Variants in TNIK observed in about 807,000 individuals in gnomAD.
TNIK encodes the protein TRAF2 and NCK interacting kinase.
TNIK carries 49 observed loss-of-function variants against 191.3 expected under a neutral mutation model. That is an observed-to-expected ratio of 0.26 (90% CI 0.20 to 0.32). The LOEUF (loss-of-function observed/expected upper bound fraction) is 0.32, where lower values mean the gene tolerates loss of function less well. TNIK is among the 10% of genes least tolerant of loss of function. The probability of loss-of-function intolerance (pLI) is 1.00; values close to 1 mark genes in which losing one functional copy is unlikely to be tolerated. For synonymous variants in TNIK, 594 were observed against 600.9 expected (o/e 0.99, Z 0.17); for missense variants, 1,155 against 1,702.3 (o/e 0.68, Z 5.66).
chr3:171,307,810 C>G (rs1753611814), intron 2 of TNIK, among the ~76,000 whole-genome samples: 1 of 152,052 alleles, frequency 6.6e-6, no homozygotes, highest in African/African-American at 2.4e-5. Flanking sequence ...GTCAAGACAT[C>G]TTTATAATAA....
chr3:171,119,775 C>T (rs1378575566), intron 18 of TNIK, among the ~76,000 whole-genome samples: 1 of 144,706 alleles, frequency 6.9e-6, no homozygotes, highest in Non-Finnish European at 1.5e-5. Context: ...GTAAGGGGAA[C>T]ATCACATACC....
intron 30 of TNIK, among the ~76,000 whole-genome samples, chr3:171,067,726 A>C (rs1362519324): frequency 6.6e-6 from 1 of 151,634 alleles, no homozygotes; most frequent in Non-Finnish European, 1.5e-5. Flanking sequence ...AATTTGTTCT[A>C]GGAAAGGAAA....
At chr3:171,227,502 C>T (rs888274989) in intron 3 of TNIK, among the ~76,000 whole-genome samples, 1 of 152,144 alleles carries the variant, frequency 6.6e-6, no homozygotes, top group Non-Finnish European at 1.5e-5. Flanking sequence ...AATACCTTCA[C>T]ATCCTTGTTC....
At chr3:171,233,810 C>T (rs937869633) in intron 2 of TNIK, among the ~76,000 whole-genome samples, 1 of 152,144 alleles carries the variant, frequency 6.6e-6, no homozygotes, top group African/African-American at 2.4e-5. Context: ...TTGAGGGTTG[C>T]GTTTGGGTTC....
At chr3:171,375,245 T>A (rs757698051) in intron 1 of TNIK, among the ~76,000 whole-genome samples, 9 of 152,218 alleles carry the variant, frequency 5.9e-5, no homozygotes, top group Non-Finnish European at 1.3e-4. Flanking sequence ...TCCTCCCTTT[T>A]CTTTTTCATC....
chr3:171,219,725 TA>T (rs1351863373), intron 3 of TNIK, among the ~76,000 whole-genome samples: 3 of 152,064 alleles, frequency 2.0e-5, no homozygotes, highest in African/African-American at 7.2e-5. Flanking sequence ...TGACGATCAT[TA>T]AAAAGTCAGG....
chr3:171,208,578 GAC>G (rs1453945136), intron 4 of TNIK, among the ~76,000 whole-genome samples: 19 of 151,894 alleles, frequency 1.3e-4, no homozygotes, highest in African/African-American at 4.6e-4. Flanking sequence ...GTGTGTGTGA[GAC>G]AGAGTCTCAC....
chr3:171,188,353 C>T lies in TNIK; in HGVS notation c.639+349G>A, dbSNP rs114924724. Among the ~76,000 whole-genome samples the T allele has an allele frequency of 9.9e-3, 1,509 of 152,106 alleles. 20 individuals carry two copies. The Middle Eastern group carries it at 0.13, about 13-fold the overall frequency. On this transcript the variant is annotated intron_variant, in intron 7 of 32. Transcript: ENST00000436636. The stretch of plus-strand genomic sequence containing the variant: ...ACAACAAACTCACATCTTAGTTTAA[C>T]GTAAAAAGCTATCAGAATATATACT...
Position 171,249,493 on chromosome 3 carries a change from G to A in TNIK, c.124-21272C>T, listed in dbSNP as rs1745993275. On this transcript the variant is annotated intron_variant, in intron 2 of 32. Transcript: ENST00000436636. ...GGCTGGAGGGATGGGGCAGTGGTGT[G>A]GAAATGGCAAATTAGGGGCCTCCTG... Among the ~76,000 whole-genome samples, 3 of 152,164 alleles carry A rather than the reference G, an allele frequency of 2.0e-5. No individual in the cohort carries two copies. In the South Asian group the frequency reaches 6.2e-4, roughly 32 times the overall value.
At chr3:171,451,419 T>A (rs1728161451) in intron 1 of TNIK, among the ~76,000 whole-genome samples, 1 of 152,200 alleles carries the variant, frequency 6.6e-6, no homozygotes, top group Non-Finnish European at 1.5e-5. Flanking sequence ...TCCTGCAACC[T>A]CAGGAGATAC....
At chr3:171,106,787 ACT>A in intron 21 of TNIK, 1 of 531,716 alleles carries the variant, frequency 1.9e-6, no homozygotes, top group South Asian at 1.4e-5. Context: ...CAAATCACAC[ACT>A]CTAAATTTGG....
intron 1 of TNIK, among the ~76,000 whole-genome samples, chr3:171,405,508 T>TAAA (rs10635709): frequency 0.052 from 7,462 of 144,352 alleles, 391 homozygotes; most frequent in African/African-American, 0.12. Context: ...CCAAATCTGG[T>TAAA]AAAAAAAAAA....
chr3:171,107,064 G>T (rs1270709457), intron 21 of TNIK, 119 bp downstream of exon 21: 4 of 1,061,520 alleles, frequency 3.8e-6, no homozygotes, highest in Non-Finnish European at 5.5e-6. Context: ...CCAGCAGATT[G>T]CTACAAATCT....
At chr3:171,085,695 C>A (rs1453633108) in intron 24 of TNIK, among the ~76,000 whole-genome samples, 2 of 152,176 alleles carry the variant, frequency 1.3e-5, no homozygotes, top group African/African-American at 2.4e-5. Context: ...GAGCTTTGAG[C>A]CCTTCTACTC....
chr3:171,266,903 T>C (rs1196572781), intron 2 of TNIK, among the ~76,000 whole-genome samples: 1 of 152,220 alleles, frequency 6.6e-6, no homozygotes, highest in Admixed American at 6.5e-5. Context: ...CAGAGTCTGT[T>C]CAGAACAGCC....
rs1748955827 is a variant in TNIK, at chr3:171,270,491, A to G, written c.124-42270T>C. On this transcript the variant is annotated intron_variant, in intron 2 of 32. Coordinates refer to ENST00000436636, the MANE Select transcript of TNIK (RefSeq NM_015028.4). ...TGGTGACTTCTCCAAAAATACCCAC[A>G]TCGTTAGTGAGGCATTCCCACCTAA... 2.0e-5 allele frequency among the ~76,000 whole-genome samples: 3 copies of G among 152,166 alleles called. No individual in the cohort carries two copies. In the South Asian group the frequency reaches 6.2e-4, roughly 32 times the overall value.
At chr3:171,153,227 G>C (rs1732704250) in intron 12 of TNIK, among the ~76,000 whole-genome samples, 1 of 151,978 alleles carries the variant, frequency 6.6e-6, no homozygotes, top group African/African-American at 2.4e-5. Flanking sequence ...AAACTCTCCA[G>C]GTGTTCCTTC....
chr3:171,192,011 G>GAA (rs1245547631), intron 5 of TNIK, among the ~76,000 whole-genome samples: 1 of 152,074 alleles, frequency 6.6e-6, no homozygotes, highest in Non-Finnish European at 1.5e-5. Flanking sequence ...ATCATGGTAT[G>GAA]AAAAATGAGG....
chr3:171,447,198 C>T (rs1241645222), intron 1 of TNIK, among the ~76,000 whole-genome samples: 14 of 150,688 alleles, frequency 9.3e-5, no homozygotes, highest in Admixed American at 8.6e-4. Context: ...CTCAAACAAA[C>T]AAATAAATAA....
Sources: allele counts gnomAD v4.1 joint callset (sites outside exome capture counted in the v4.1 genomes callset), GRCh38; gene constraint gnomAD v4.1.1; transcripts MANE v1.5; gene names NCBI Gene and HGNC (gene_info 2026-07-23, HGNC 2026-07-21).